Variants in EPYC observed in about 807,000 individuals in gnomAD.
EPYC encodes the protein dermatan sulfate proteoglycan 3.
A neutral mutation model predicts 30.1 loss-of-function variants in EPYC; 28 were observed. The observed-to-expected ratio is 0.93, with a 90% CI of 0.69 to 1.28. The LOEUF (loss-of-function observed/expected upper bound fraction) is 1.28, where lower values mean the gene tolerates loss of function less well. Ranked by LOEUF, EPYC falls within the 50% of genes most tolerant of loss-of-function variation. The pLI, the probability that EPYC is intolerant of heterozygous loss-of-function variation, is 0.00. For missense variants in EPYC, 382 were observed against 383.5 expected (o/e 1.00, Z 0.03); for synonymous variants, 144 against 141.4 (o/e 1.02, Z -0.13).
chr12:90,975,071 C>T (rs1460903076), intron 3 of EPYC, among the ~76,000 whole-genome samples: 2 of 151,956 alleles, frequency 1.3e-5, no homozygotes, highest in Non-Finnish European at 2.9e-5. Context: ...TAATAATGTA[C>T]CCATTAAGGT....
chr12:90,994,083 A>G (rs571400983), intron 2 of EPYC, among the ~76,000 whole-genome samples: 2 of 152,148 alleles, frequency 1.3e-5, no homozygotes, highest in Non-Finnish European at 2.9e-5. Flanking sequence ...GAAAATACTT[A>G]TAAGACTACT....
At chr12:90,991,222 G>GTGTACACA (rs1877580101) in intron 2 of EPYC, among the ~76,000 whole-genome samples, 2 of 152,100 alleles carry the variant, frequency 1.3e-5, no homozygotes, top group South Asian at 4.2e-4. Context: ...ATGCCTATAT[G>GTGTACACA]TGTACACATT....
chr12:90,983,436 C>T (rs1565873472), intron 2 of EPYC, among the ~76,000 whole-genome samples: 1 of 152,190 alleles, frequency 6.6e-6, no homozygotes, highest in Non-Finnish European at 1.5e-5. Context: ...AGACTAAAGA[C>T]ATGGGTGTCA....
intron 2 of EPYC, among the ~76,000 whole-genome samples, chr12:90,998,404 CAAT>C (rs1459138624): frequency 6.6e-6 from 1 of 152,024 alleles, no homozygotes; most frequent in Non-Finnish European, 1.5e-5. Context: ...ATATAGAAAA[CAAT>C]GGATCATAGA....
At chr12:90,986,046 T>C (rs770368105) in intron 2 of EPYC, among the ~76,000 whole-genome samples, 13 of 152,142 alleles carry the variant, frequency 8.5e-5, no homozygotes, top group Non-Finnish European at 1.5e-4. Flanking sequence ...CTTGCCTTTC[T>C]TGTTATGCCT....
rs1876829902 is a variant in EPYC, at chr12:90,964,117, A to G, written c.*39T>C. 1 of 1,570,842 alleles carries G rather than the reference A, an allele frequency of 6.4e-7. No individual in the cohort carries two copies. Among genetic ancestry groups the G allele is most frequent in the South Asian group, 1.2e-5 (1 of 86,500 alleles). On this transcript the variant is annotated 3_prime_UTR_variant, in exon 7 of 7. Coordinates refer to ENST00000261172, the MANE Select transcript of EPYC (RefSeq NM_004950.5). ...TGGAAGAGAGCAGTAAGAATGGTTTATTTATAGTAGCCATCGTAATGCTAA... is the reference window on the plus strand; with the variant it reads ...TGGAAGAGAGCAGTAAGAATGGTTTGTTTATAGTAGCCATCGTAATGCTAA...
In EPYC at chr12:90,978,131, C is replaced by G; in HGVS notation, c.297G>C (p.Gln99His). The G allele has an allele frequency of 6.3e-7, 1 of 1,599,758 alleles. No individual in the cohort carries two copies. The highest frequency in any genetic ancestry group is 8.5e-7 in the Non-Finnish European group (1 of 1,174,698). Residue 99 changes from glutamine (Q) to histidine (H), a missense_variant, in exon 3 of 7, where the codon CAG becomes CAC. Transcript: ENST00000261172. ...CCAGAACCCCTGTGAATTCAGGCTC[C>G]TGGGGAGAAGAGCCATCAATCAGCC... Reference protein sequence around the residue: ...TPRLIDGSSPQEPEFTGVLGP... With the variant: ...TPRLIDGSSPHEPEFTGVLGP...
intron 2 of EPYC, among the ~76,000 whole-genome samples, chr12:90,992,000 A>G (rs1877596059): frequency 6.6e-6 from 1 of 152,182 alleles, no homozygotes; most frequent in Non-Finnish European, 1.5e-5. Flanking sequence ...CTTCAGTTTG[A>G]AAATATGCTG....
At chr12:90,974,873 A>C (rs374225350) in intron 3 of EPYC, among the ~76,000 whole-genome samples, 2 of 152,260 alleles carry the variant, frequency 1.3e-5, no homozygotes. Flanking sequence ...TATGACATAA[A>C]CTAGAAGAGA....
At chr12:90,975,936 C>T (rs914740657) in intron 3 of EPYC, among the ~76,000 whole-genome samples, 20 of 152,158 alleles carry the variant, frequency 1.3e-4, no homozygotes, top group African/African-American at 4.8e-4. Flanking sequence ...CCACATATCA[C>T]CTCTGTGTTA....
chr12:90,980,470 T>C (rs1325432855), intron 2 of EPYC, among the ~76,000 whole-genome samples: 2 of 152,182 alleles, frequency 1.3e-5, no homozygotes, highest in African/African-American at 2.4e-5. Context: ...GGAGAGACTT[T>C]TGTTTTGTAG....
intron 3 of EPYC, among the ~76,000 whole-genome samples, chr12:90,975,310 T>C (rs893161805): frequency 2.0e-5 from 3 of 152,092 alleles, no homozygotes; most frequent in Non-Finnish European, 2.9e-5. Flanking sequence ...TTATATATAT[T>C]CGCAGTAGTT....
At chr12:90,966,629 G>T (rs2120791627) in intron 6 of EPYC, among the ~76,000 whole-genome samples, 1 of 152,070 alleles carries the variant, frequency 6.6e-6, no homozygotes, top group Middle Eastern at 3.4e-3. Flanking sequence ...TACTGTTATT[G>T]GGTAATATTG....
At chr12:90,988,887 A>T (rs947588836) in intron 2 of EPYC, among the ~76,000 whole-genome samples, 15 of 152,084 alleles carry the variant, frequency 9.9e-5, no homozygotes, top group South Asian at 6.2e-4. Context: ...TTGTCTATCC[A>T]TTGACAGATT....
At chr12:90,992,273 G>A (rs986202523) in intron 2 of EPYC, among the ~76,000 whole-genome samples, 39 of 152,164 alleles carry the variant, frequency 2.6e-4, no homozygotes, top group African/African-American at 8.9e-4. Context: ...CTGGCCTGCC[G>A]CTCACCTCCT....
intron 2 of EPYC, among the ~76,000 whole-genome samples, chr12:90,986,760 A>C (rs1877457157): frequency 1.3e-5 from 2 of 152,134 alleles, no homozygotes; most frequent in Admixed American, 1.3e-4. Context: ...ATATATCTGA[A>C]CTACAGGACT....
At chr12:90,983,593 A>G (rs1433537272) in intron 2 of EPYC, among the ~76,000 whole-genome samples, 1 of 152,112 alleles carries the variant, frequency 6.6e-6, no homozygotes, top group East Asian at 1.9e-4. Context: ...CGGGGTCCCA[A>G]CAAAAAGTTG....
intron 2 of EPYC, among the ~76,000 whole-genome samples, chr12:90,987,197 G>C (rs1166399753): frequency 6.6e-6 from 1 of 152,064 alleles, no homozygotes; most frequent in African/African-American, 2.4e-5. Flanking sequence ...GCTAAGGTCA[G>C]CATAACCATA....
intron 2 of EPYC, among the ~76,000 whole-genome samples, chr12:90,994,952 A>T (rs1877664619): frequency 6.6e-6 from 1 of 152,114 alleles, no homozygotes; most frequent in East Asian, 1.9e-4. Flanking sequence ...CTGTATTACC[A>T]CTACGGCAAC....
Sources: gnomAD v4.1 joint callset for allele counts (sites outside exome capture counted in the v4.1 genomes callset) on GRCh38, gnomAD v4.1.1 for gene constraint, MANE v1.5 for transcripts, NCBI Gene and HGNC (gene_info 2026-07-23, HGNC 2026-07-21) for gene names.